Variants in SLC9A9 observed in about 807,000 individuals in gnomAD.
The protein encoded by SLC9A9 is solute carrier family 9 member A9, also known as sodium/hydrogen exchanger 9.
Under a neutral mutation model 77.8 loss-of-function variants are expected in SLC9A9, and 62 were observed. That is an observed-to-expected ratio of 0.80 (90% CI 0.65 to 0.98). The LOEUF is 0.98. Among genes scored for constraint, SLC9A9 ranks in the 50% least tolerant of loss-of-function variants. The pLI is 0.00. For synonymous variants in SLC9A9, 320 were observed against 283.5 expected, an observed-to-expected ratio of 1.13 and a Z score of -1.29; for missense variants, 775 against 774.9, an observed-to-expected ratio of 1.00 and a Z score of 0.00.
chr3:143,533,002 G>A (rs2036538013), intron 9 of SLC9A9, among the ~76,000 whole-genome samples: 1 of 152,186 alleles, frequency 6.6e-6, no homozygotes, highest in South Asian at 2.1e-4. Context: ...ACTCCCCTCA[G>A]AGAACTTAAT....
intron 14 of SLC9A9, among the ~76,000 whole-genome samples, chr3:143,356,762 G>A (rs1391829219): frequency 6.6e-6 from 1 of 151,992 alleles, no homozygotes; most frequent in Non-Finnish European, 1.5e-5. Flanking sequence ...TGATACTCCC[G>A]CTTCCACCCC....
At chr3:143,328,792 G>A (rs1490373308) in intron 14 of SLC9A9, among the ~76,000 whole-genome samples, 4 of 152,096 alleles carry the variant, frequency 2.6e-5, no homozygotes, top group Non-Finnish European at 5.9e-5. Flanking sequence ...CCTAATATTC[G>A]CTTCGTTATG....
chr3:143,370,567 GCACACACACACACA>G (rs57705324), intron 13 of SLC9A9, among the ~76,000 whole-genome samples: 24 of 143,420 alleles, frequency 1.7e-4, no homozygotes, highest in Middle Eastern at 3.5e-3. Flanking sequence ...GCATGTGCGC[GCACACACACACACA>G]CACACACACA....
intron 2 of SLC9A9, among the ~76,000 whole-genome samples, chr3:143,806,622 A>T (rs1228982982): frequency 6.6e-6 from 1 of 152,114 alleles, no homozygotes; most frequent in Non-Finnish European, 1.5e-5. Context: ...CCAAAAGACA[A>T]ATTTTGCATA....
chr3:143,482,273 T>C (rs2035586769), intron 11 of SLC9A9, among the ~76,000 whole-genome samples: 2 of 152,226 alleles, frequency 1.3e-5, no homozygotes, highest in Non-Finnish European at 2.9e-5. Flanking sequence ...CGAGTGCTAG[T>C]GCACAACAAA....
chr3:143,456,005 A>G (rs1294738310), intron 12 of SLC9A9, among the ~76,000 whole-genome samples: 3 of 152,008 alleles, frequency 2.0e-5, no homozygotes, highest in African/African-American at 7.2e-5. Context: ...GGGAGAAAGC[A>G]TTTGGCTTTT....
chr3:143,583,487 G>A (rs2037490676), intron 6 of SLC9A9, among the ~76,000 whole-genome samples: 2 of 152,112 alleles, frequency 1.3e-5, no homozygotes, highest in South Asian at 4.1e-4. Context: ...GCAAGGAATG[G>A]GTCTGATAGC....
chr3:143,370,565 G>GCACACACACACACA (rs1400523794), intron 13 of SLC9A9, among the ~76,000 whole-genome samples: 35 of 38,408 alleles, frequency 9.1e-4, no homozygotes, highest in African/African-American at 3.8e-3. Context: ...ATGCATGTGC[G>GCACACACACACACA]CGCACACACA....
At position 143,733,786 on chromosome 3, in the gene SLC9A9, T is replaced by C. The variant is rs77509453; in HGVS notation, c.534-40479A>G. On this transcript the variant is annotated intron_variant, in intron 4 of 15. Coordinates refer to ENST00000316549, the MANE Select transcript of SLC9A9 (RefSeq NM_173653.4). ...GCCTTGAACTGTAGACAGAGGACAATGAGAGAGCACATGCCCCCACTTTCC... is the reference window on the plus strand; with the variant it reads ...GCCTTGAACTGTAGACAGAGGACAACGAGAGAGCACATGCCCCCACTTTCC... Among the ~76,000 whole-genome samples the C allele has an allele frequency of 4.0e-3, 612 of 152,088 alleles. 4 individuals carry two copies. The highest frequency in any genetic ancestry group is 0.014 in the African/African-American group (597 of 41,468).
chr3:143,583,205 G>T (rs947638774), intron 6 of SLC9A9, among the ~76,000 whole-genome samples: 2 of 151,748 alleles, frequency 1.3e-5, no homozygotes, highest in Non-Finnish European at 2.9e-5. Context: ...TAAATAAATT[G>T]GAAATAAGTC....
intron 12 of SLC9A9, among the ~76,000 whole-genome samples, chr3:143,453,174 A>G (rs1345417181): frequency 2.6e-5 from 4 of 152,090 alleles, no homozygotes; most frequent in African/African-American, 9.7e-5. Flanking sequence ...TTTACCTTGA[A>G]TACACAAATT....
intron 12 of SLC9A9, among the ~76,000 whole-genome samples, chr3:143,389,504 T>C (rs2033504650): frequency 6.6e-6 from 1 of 152,200 alleles, no homozygotes; most frequent in Admixed American, 6.5e-5. Context: ...GCCCTACCAT[T>C]AGCCATATTA....
intron 14 of SLC9A9, among the ~76,000 whole-genome samples, chr3:143,321,949 C>T (rs77830376): frequency 0.032 from 4,944 of 152,204 alleles, 108 homozygotes; most frequent in Non-Finnish European, 0.048. Context: ...AAGTTAGGAA[C>T]CCTTGTTCTA....
intron 14 of SLC9A9, among the ~76,000 whole-genome samples, chr3:143,282,230 C>T (rs994114895): frequency 2.6e-5 from 4 of 152,070 alleles, no homozygotes; most frequent in Admixed American, 2.6e-4. Context: ...TGGTGGGGTT[C>T]CACATCAGCA....
At chr3:143,437,401 C>T (rs999556123) in intron 12 of SLC9A9, among the ~76,000 whole-genome samples, 26 of 152,336 alleles carry the variant, frequency 1.7e-4, no homozygotes, top group African/African-American at 5.8e-4. Flanking sequence ...GATCCCACAA[C>T]GGTCGTCAGT....
intron 14 of SLC9A9, among the ~76,000 whole-genome samples, chr3:143,270,862 A>C (rs931346625): frequency 1.3e-5 from 2 of 152,370 alleles, no homozygotes; most frequent in Admixed American, 6.5e-5. Context: ...ATCTATGCGT[A>C]GTAGTGCTCC....
At chr3:143,797,529 C>T (rs13084936) in intron 2 of SLC9A9, among the ~76,000 whole-genome samples, 1 of 150,994 alleles carries the variant, frequency 6.6e-6, no homozygotes, top group South Asian at 2.1e-4. Flanking sequence ...GAAGAATCAC[C>T]AAAGAAGTGA....
intron 5 of SLC9A9, among the ~76,000 whole-genome samples, chr3:143,657,423 T>TG (rs1393768427): frequency 6.6e-6 from 1 of 152,310 alleles, no homozygotes; most frequent in Non-Finnish European, 1.5e-5. Flanking sequence ...CAGGGTTCCT[T>TG]GGGGAAAACA....
At chr3:143,441,076 C>A (rs1241644959) in intron 12 of SLC9A9, among the ~76,000 whole-genome samples, 5 of 152,150 alleles carry the variant, frequency 3.3e-5, no homozygotes, top group African/African-American at 1.2e-4. Context: ...TCTCACCTTT[C>A]CAACCTTCCT....
Sources: gnomAD v4.1 joint callset for allele counts (sites outside exome capture counted in the v4.1 genomes callset) on GRCh38, gnomAD v4.1.1 for gene constraint, MANE v1.5 for transcripts, NCBI Gene and HGNC (gene_info 2026-07-23, HGNC 2026-07-21) for gene names.